The following THBS4 variants were observed in gnomAD, a reference collection of about 807,000 sequenced individuals.
The protein encoded by THBS4 is thrombospondin 4.
THBS4 carries 90 observed loss-of-function variants against 115.7 expected under a neutral mutation model. The ratio of observed to expected loss-of-function variants is 0.78; its 90% CI spans 0.66 to 0.93. The LOEUF (loss-of-function observed/expected upper bound fraction) is 0.93, where lower values mean the gene tolerates loss of function less well. THBS4 is among the 40% of genes least tolerant of loss of function. The probability of loss-of-function intolerance (pLI) is 0.00; values close to 1 mark genes in which losing one functional copy is unlikely to be tolerated. For synonymous variants in THBS4, 460 were observed against 479.3 expected, an observed-to-expected ratio of 0.96 and a Z score of 0.53; for missense variants, 1,087 against 1,232.7, an observed-to-expected ratio of 0.88 and a Z score of 1.77.
rs540384094 is a variant in THBS4 at position 80,072,276 on chromosome 5, A to G, written c.1721-2A>G. Reference sequence around the variant, plus strand: ...ACTCAAGGTAGCATTTCTTTCTCACAGGAATAAAAAACATTCTGGACAACT... The same window carrying G: ...ACTCAAGGTAGCATTTCTTTCTCACGGGAATAAAAAACATTCTGGACAACT... On this transcript the variant is annotated splice_acceptor_variant, in intron 13 of 21. Coordinates refer to ENST00000350881, the MANE Select transcript of THBS4 (RefSeq NM_003248.6). LOFTEE classifies it high-confidence loss of function. 6.2e-7 allele frequency: 1 copy of G among 1,613,698 alleles called. No homozygotes were observed. The highest frequency in any genetic ancestry group is 1.3e-5 in the African/African-American group (1 of 75,030).
intron 2 of THBS4, among the ~76,000 whole-genome samples, chr5:80,016,609 T>C (rs1561294631): frequency 6.6e-6 from 1 of 152,232 alleles, no homozygotes; most frequent in Non-Finnish European, 1.5e-5. Flanking sequence ...TCATAAATGA[T>C]GAACAAATAA....
At chr5:80,022,066 A>G (rs370511746) in intron 2 of THBS4, among the ~76,000 whole-genome samples, 1 of 152,072 alleles carries the variant, frequency 6.6e-6, no homozygotes, top group Admixed American at 6.6e-5. Context: ...AAGGTTTCCT[A>G]CTGGGCTTTT....
At position 80,067,994 on chromosome 5, in the gene THBS4, T is replaced by C; in HGVS notation, c.1216T>C (p.Cys406Arg). 3 of 1,614,188 alleles carry C rather than the reference T, an allele frequency of 1.9e-6. No homozygotes were observed. Among genetic ancestry groups the C allele is most frequent in the Non-Finnish European group, 2.5e-6 (3 of 1,180,020 alleles). The change falls in exon 10 of 22, where the codon TGT (cysteine) becomes CGT (arginine). Residue 406 changes from cysteine (C) to arginine (R), a missense_variant. Coordinates refer to ENST00000350881, the MANE Select transcript of THBS4 (RefSeq NM_003248.6). ...NTLGSYRCGP[C>R]KPGYTGDQIR... ...GCAGGGATCTTACCGCTGTGGGCCT[T>C]GTAAGCCGGGGTATACTGGTGATCA... is the stretch of plus-strand genomic sequence containing the variant.
chr5:80,081,170 C>A (rs1317861814), intron 20 of THBS4, among the ~76,000 whole-genome samples: 1 of 152,106 alleles, frequency 6.6e-6, no homozygotes, highest in Admixed American at 6.6e-5. Flanking sequence ...CTCATCAGGG[C>A]AGGAAAGCAG....
intron 1 of THBS4, among the ~76,000 whole-genome samples, chr5:80,038,128 G>T (rs1471783514): frequency 1.3e-5 from 2 of 151,950 alleles, no homozygotes; most frequent in Non-Finnish European, 2.9e-5. Context: ...AGCAATACCT[G>T]CCCATTGTAG....
chr5:80,033,857 C>T (rs192786743), upstream of THBS4, among the ~76,000 whole-genome samples: 1,197 of 152,250 alleles, frequency 7.9e-3, 8 homozygotes, highest in Middle Eastern at 0.017. Flanking sequence ...TTTTTAAATT[C>T]CCCAGGAGAT....
Position 80,068,046 on chromosome 5 carries a change from A to G in THBS4, c.1268A>G (p.Asn423Ser), listed in dbSNP as rs751866250. The change falls in exon 10 of 22, where the codon AAC becomes AGC. Residue 423 changes from asparagine (N) to serine (S), a missense_variant. Transcript: ENST00000350881. The stretch of plus-strand genomic sequence containing the variant: ...ATAAGGGGATGCAAAGCGGAAAGAA[A>G]CTGCAGAAACCCAGAGCTGAACCCT... ...DQIRGCKAER[N>S]CRNPELNPCS... 1.4e-5 allele frequency: 22 copies of G among 1,614,122 alleles called. No individual in the cohort carries two copies. The South Asian group carries it at 2.3e-4, about 17-fold the overall frequency.
chr5:80,081,718 C>G (rs1169076524), intron 20 of THBS4, among the ~76,000 whole-genome samples: 3 of 152,190 alleles, frequency 2.0e-5, no homozygotes, highest in Non-Finnish European at 4.4e-5. Flanking sequence ...TTGCTGTTTA[C>G]AAGTGAAAGT....
chr5:80,056,069 T>G lies in THBS4; in HGVS notation c.540+37T>G, dbSNP rs760838860. 26 of 1,561,876 alleles carry G rather than the reference T, an allele frequency of 1.7e-5. No individual in the cohort carries two copies. In the African/African-American group the frequency reaches 3.4e-4, roughly 20 times the overall value. On this transcript the variant is annotated intron_variant, in intron 3 of 21. Transcript: ENST00000350881. ...CAAACCATTCTCTGAAGTGGAAAAA[T>G]GAGCTGCCAGTGCCTAGGGAGTGCA...
chr5:80,045,206 C>G (rs1233980523), intron 2 of THBS4, among the ~76,000 whole-genome samples: 1 of 152,158 alleles, frequency 6.6e-6, no homozygotes, highest in Non-Finnish European at 1.5e-5. Flanking sequence ...GAACTCTTGG[C>G]TTGCCTTGAT....
intron 2 of THBS4, among the ~76,000 whole-genome samples, chr5:80,045,581 A>AGTGCAAT (rs1333507165): frequency 7.4e-6 from 1 of 135,736 alleles, no homozygotes; most frequent in South Asian, 2.5e-4. Flanking sequence ...CCCAGGTTGG[A>AGTGCAAT]GTGCAATGGC....
In THBS4 at chr5:80,061,746, G is replaced by C. The variant is rs375137091; in HGVS notation, c.1039G>C (p.Gly347Arg). 12 of 1,613,990 alleles carry C rather than the reference G, an allele frequency of 7.4e-6. No homozygotes were observed. The African/African-American group carries it at 1.6e-4, about 22-fold the overall frequency. ...CGTGCACTGCATAAATTTGTCTCCTGGCTTCAGATGTGACGCCTGCCCAGT... is the reference window on the plus strand; with the variant it reads ...CGTGCACTGCATAAATTTGTCTCCTCGCTTCAGATGTGACGCCTGCCCAGT... Reference protein sequence around the residue: ...PGVHCINLSPGFRCDACPVGF... With the variant: ...PGVHCINLSPRFRCDACPVGF... Residue 347 changes from glycine (G) to arginine (R), a missense_variant, in exon 8 of 22, where the codon GGC (glycine) becomes CGC (arginine). Coordinates refer to ENST00000350881, the MANE Select transcript of THBS4 (RefSeq NM_003248.6).
chr5:80,040,632 A>C (rs528419327), intron 2 of THBS4, among the ~76,000 whole-genome samples: 13 of 152,354 alleles, frequency 8.5e-5, no homozygotes, highest in African/African-American at 3.1e-4. Flanking sequence ...AAAATACCAT[A>C]GACTTTGTGG....
chr5:80,062,957 C>CAA (rs1186930855), intron 8 of THBS4, among the ~76,000 whole-genome samples: 1 of 152,160 alleles, frequency 6.6e-6, no homozygotes, highest in Non-Finnish European at 1.5e-5. Flanking sequence ...GGGTTGGTTC[C>CAA]AAGTCTTTGC....
chr5:80,000,782 G>GGAGAGAGGCTTCC (rs1448557848), intron 2 of THBS4, among the ~76,000 whole-genome samples: 2 of 152,102 alleles, frequency 1.3e-5, no homozygotes, highest in African/African-American at 2.4e-5. Flanking sequence ...TAAATATCCA[G>GGAGAGAGGCTTCC]GAGAGAGGCT....
chr5:80,048,466 T>C (rs7723567), intron 2 of THBS4, among the ~76,000 whole-genome samples: 45,685 of 152,056 alleles, frequency 0.3, 7,050 homozygotes, highest in Middle Eastern at 0.39. Context: ...ACTTAAGAAA[T>C]TGCTTTGCAC....
chr5:80,029,511 C>T (rs1012268288), intron 2 of THBS4, among the ~76,000 whole-genome samples: 1 of 152,112 alleles, frequency 6.6e-6, no homozygotes, highest in African/African-American at 2.4e-5. Flanking sequence ...GGATTTTACA[C>T]TTTATTTAGT....
Position 80,059,499 on chromosome 5 carries a change from C to T in THBS4, c.784+8C>T, listed in dbSNP as rs1223868869. 1.9e-6 allele frequency: 3 copies of T among 1,613,906 alleles called. No homozygotes were observed. The highest frequency in any genetic ancestry group is 2.5e-6 in the Non-Finnish European group (3 of 1,179,966). On this transcript the variant is annotated splice_region_variant and intron_variant, in intron 6 of 21. Coordinates refer to ENST00000350881, the MANE Select transcript of THBS4 (RefSeq NM_003248.6). Reference sequence around the variant, plus strand: ...CTGAATGCCAGGCTTGCGGTAAGTGCTTTTCTAGTAATGGGCTCGCCTGAG... The same window carrying T: ...CTGAATGCCAGGCTTGCGGTAAGTGTTTTTCTAGTAATGGGCTCGCCTGAG...
chr5:80,017,890 C>T (rs1203341011), intron 2 of THBS4, among the ~76,000 whole-genome samples: 3 of 151,934 alleles, frequency 2.0e-5, no homozygotes, highest in Non-Finnish European at 1.5e-5. Flanking sequence ...TTCTTTGACA[C>T]GTTGAAAATG....
Sources: gnomAD v4.1 joint callset for allele counts (sites outside exome capture counted in the v4.1 genomes callset) on GRCh38, gnomAD v4.1.1 for gene constraint, MANE v1.5 for transcripts, NCBI Gene and HGNC (gene_info 2026-07-23, HGNC 2026-07-21) for gene names.